CELF4: variants seen among roughly 807,000 people sequenced by gnomAD.
CELF4 encodes the protein CUGBP Elav-like family member 4.
In CELF4, 18 loss-of-function variants were observed where a neutral mutation model predicts 59.9. That is an observed-to-expected ratio of 0.30 (90% CI 0.21 to 0.45). The LOEUF (loss-of-function observed/expected upper bound fraction) is 0.45. Among genes scored for constraint, CELF4 ranks in the 20% least tolerant of loss-of-function variants. The pLI, the probability that CELF4 is intolerant of heterozygous loss-of-function variation, is 1.00. For missense variants in CELF4, 456 were observed against 689.0 expected (o/e 0.66, Z 3.79); for synonymous variants, 261 against 267.1 (o/e 0.98, Z 0.22).
intron 1 of CELF4, among the ~76,000 whole-genome samples, chr18:37,513,531 G>A (rs989593949): frequency 2.0e-5 from 3 of 152,188 alleles, no homozygotes; most frequent in Non-Finnish European, 4.4e-5. Flanking sequence ...GGGCAGGGGC[G>A]TGGACCATTC....
intron 1 of CELF4, among the ~76,000 whole-genome samples, chr18:37,545,014 A>G (rs1344282474): frequency 6.6e-6 from 1 of 152,154 alleles, no homozygotes; most frequent in African/African-American, 2.4e-5. Flanking sequence ...AGGGAATTCA[A>G]AAGTGTGGGG....
At chr18:37,255,713 ATAAGG>A in intron 11 of CELF4, among the ~76,000 whole-genome samples, 1 of 152,264 alleles carries the variant, frequency 6.6e-6, no homozygotes, top group East Asian at 1.9e-4. Context: ...TTTCCCCAGA[ATAAGG>A]AAGGTGGCTG....
At chr18:37,368,305 C>T (rs1569567866) in intron 2 of CELF4, among the ~76,000 whole-genome samples, 1 of 152,140 alleles carries the variant, frequency 6.6e-6, no homozygotes, top group Non-Finnish European at 1.5e-5. Context: ...CCATCCTTCC[C>T]TCCTCCCTGC....
intron 2 of CELF4, among the ~76,000 whole-genome samples, chr18:37,394,289 G>A (rs2099210876): frequency 6.6e-6 from 1 of 152,248 alleles, no homozygotes; most frequent in African/African-American, 2.4e-5. Context: ...CGCGGGGCGG[G>A]AGGCAGGAAG....
At chr18:37,537,765 CA>C (rs994283352) in intron 1 of CELF4, among the ~76,000 whole-genome samples, 2 of 152,238 alleles carry the variant, frequency 1.3e-5, no homozygotes, top group African/African-American at 2.4e-5. Flanking sequence ...CCGCCAGACA[CA>C]AGCTCCTCCT....
At chr18:37,480,239 A>C (rs555365045) in intron 2 of CELF4, among the ~76,000 whole-genome samples, 40 of 152,186 alleles carry the variant, frequency 2.6e-4, no homozygotes, top group Admixed American at 2.6e-3. Flanking sequence ...GAGAAACAGA[A>C]GGTGGCAGGG....
chr18:37,414,726 T>C (rs1428505694), intron 2 of CELF4, among the ~76,000 whole-genome samples: 1 of 152,008 alleles, frequency 6.6e-6, no homozygotes, highest in Non-Finnish European at 1.5e-5. Flanking sequence ...CTCAATCTCC[T>C]GACCTCGTGA....
At chr18:37,520,270 G>C (rs2099955833) in intron 1 of CELF4, among the ~76,000 whole-genome samples, 1 of 152,136 alleles carries the variant, frequency 6.6e-6, no homozygotes, top group African/African-American at 2.4e-5. Flanking sequence ...GGGGAGCAGG[G>C]GTCCAGGCCA....
chr18:37,281,483 A>C (rs1448884284), intron 3 of CELF4, among the ~76,000 whole-genome samples: 2 of 152,134 alleles, frequency 1.3e-5, no homozygotes, highest in African/African-American at 2.4e-5. Context: ...CTGCTGAAGG[A>C]AGGTTGGGGG....
At chr18:37,388,840 T>C (rs778549076) in intron 2 of CELF4, among the ~76,000 whole-genome samples, 2 of 152,144 alleles carry the variant, frequency 1.3e-5, no homozygotes, top group African/African-American at 2.4e-5. Context: ...CTTGTCACCC[T>C]GGACCCTCTT....
At chr18:37,534,585 G>A (rs1375444007) in intron 1 of CELF4, among the ~76,000 whole-genome samples, 1 of 152,178 alleles carries the variant, frequency 6.6e-6, no homozygotes, top group Non-Finnish European at 1.5e-5. Flanking sequence ...AATCAAAGCA[G>A]GTGGCTAAAA....
chr18:37,306,075 G>C (rs2096379731), intron 3 of CELF4: 1 of 152,276 alleles, frequency 6.6e-6, no homozygotes, highest in Admixed American at 6.5e-5. Context: ...AGGCATCAAA[G>C]CTCGCACAGG....
intron 2 of CELF4, among the ~76,000 whole-genome samples, chr18:37,482,517 A>T (rs1460910207): frequency 6.6e-6 from 1 of 151,920 alleles, no homozygotes; most frequent in Non-Finnish European, 1.5e-5. Context: ...TCCAGGGATG[A>T]CTCCATCAGC....
chr18:37,300,445 G>A (rs556894681), intron 3 of CELF4, among the ~76,000 whole-genome samples: 90 of 152,202 alleles, frequency 5.9e-4, no homozygotes, highest in African/African-American at 2.0e-3. Context: ...GGCTGGTCTC[G>A]AACTTCTGAC....
intron 3 of CELF4, among the ~76,000 whole-genome samples, chr18:37,314,999 G>A (rs1479979150): frequency 2.0e-5 from 3 of 152,082 alleles, no homozygotes; most frequent in African/African-American, 4.8e-5. Flanking sequence ...CTATGCAATC[G>A]GGCCCGATTC....
intron 2 of CELF4, among the ~76,000 whole-genome samples, chr18:37,426,663 TGCGGTGCGGGAGG>T (rs2099614688): frequency 1.3e-5 from 2 of 151,780 alleles, no homozygotes; most frequent in Admixed American, 6.6e-5. Flanking sequence ...CTGCAGAGGG[TGCGGTGCGGGAGG>T]GCTGGGGGCG....
At chr18:37,324,265 C>A (rs2097221031) in intron 2 of CELF4, among the ~76,000 whole-genome samples, 1 of 152,160 alleles carries the variant, frequency 6.6e-6, no homozygotes, top group South Asian at 2.1e-4. Context: ...GCCCTAACCC[C>A]CATTGTGACT....
Position 37,321,709 on chromosome 18 carries a change from G to A in CELF4, c.448+94C>T, listed in dbSNP as rs957685457. 66 of 858,270 alleles carry A rather than the reference G, an allele frequency of 7.7e-5. No individual in the cohort carries two copies. In the African/African-American group the frequency reaches 9.9e-4, roughly 13 times the overall value. 53.2% of individuals were successfully genotyped at this position (858,270 alleles called of 1,614,324 possible). A position where few individuals can be genotyped will look rare whatever the true frequency, so the allele number is the denominator to read the frequency against. On this transcript the variant is annotated intron_variant, in intron 3 of 12. Transcript: ENST00000420428. ...GAGATCCCCAGAGGGGCAAGAGGAGGAGGCGGGGAGTCGCTGCATCGCCTT... is the reference window on the plus strand; with the variant it reads ...GAGATCCCCAGAGGGGCAAGAGGAGAAGGCGGGGAGTCGCTGCATCGCCTT...
Position 37,246,881 on chromosome 18 carries a change from G to T in CELF4, c.*45-1684C>A, listed in dbSNP as rs2062419816. 1 of 151,562 alleles carries T rather than the reference G, an allele frequency of 6.6e-6. No individual in the cohort carries two copies. The highest frequency in any genetic ancestry group is 2.1e-4 in the South Asian group (1 of 4,788). 9.4% of individuals were successfully genotyped at this position (151,562 alleles called of 1,614,324 possible). A position where few individuals can be genotyped will look rare whatever the true frequency, so the allele number is the denominator to read the frequency against. On this transcript the variant is annotated intron_variant, in intron 12 of 12. Coordinates refer to ENST00000420428, the MANE Select transcript of CELF4 (RefSeq NM_020180.4). This position sits in a 1 kb window ranked among gnomAD's most constrained non-coding sequence, Gnocchi z 5.3. Reference sequence around the variant, plus strand: ...TTTTGTTTTGTTTTTTTCTCTATGTGACATCTAGAGAAGCATAAAAAAACG... The same window carrying T: ...TTTTGTTTTGTTTTTTTCTCTATGTTACATCTAGAGAAGCATAAAAAAACG...
Sources: gnomAD v4.1 joint callset for allele counts (sites outside exome capture counted in the v4.1 genomes callset) on GRCh38, gnomAD v4.1.1 for gene constraint, Gnocchi (gnomAD v3.1) non-coding constraint, MANE v1.5 for transcripts, NCBI Gene and HGNC (gene_info 2026-07-23, HGNC 2026-07-21) for gene names.